INSYN2B: variants seen among roughly 807,000 people sequenced by gnomAD.
INSYN2B encodes the protein inhibitory synaptic factor family member 2B, also known as protein INSYN2B.
Under a neutral mutation model 41.2 loss-of-function variants are expected in INSYN2B, and 16 were observed. The ratio of observed to expected loss-of-function variants is 0.39; its 90% CI spans 0.26 to 0.59. INSYN2B has a LOEUF of 0.59. Among genes scored for constraint, INSYN2B ranks in the 20% least tolerant of loss-of-function variants. INSYN2B has a pLI of 0.57. For synonymous variants in INSYN2B, 245 were observed against 244.4 expected (o/e 1.00, Z -0.02); for missense variants, 608 against 646.4 (o/e 0.94, Z 0.64).
chr5:169,878,822 G>A (rs17646198), intron 3 of INSYN2B, among the ~76,000 whole-genome samples: 9,189 of 152,270 alleles, frequency 0.06, 349 homozygotes, highest in Non-Finnish European at 0.086. Flanking sequence ...AGAGCCAATT[G>A]CCACTCACTT....
At chr5:169,900,482 C>T (rs1773861339) in intron 1 of INSYN2B, among the ~76,000 whole-genome samples, 1 of 152,164 alleles carries the variant, frequency 6.6e-6, no homozygotes, top group Non-Finnish European at 1.5e-5. Flanking sequence ...GGAGGCATGG[C>T]ATGAAGGACC....
intron 1 of INSYN2B, among the ~76,000 whole-genome samples, chr5:169,959,111 G>A (rs963408274): frequency 1.3e-5 from 2 of 152,232 alleles, no homozygotes; most frequent in Middle Eastern, 3.4e-3. Flanking sequence ...AGCACAAACT[G>A]GCTGGGCATG....
chr5:169,880,534 C>T (rs1240993175), intron 3 of INSYN2B, among the ~76,000 whole-genome samples: 1 of 152,214 alleles, frequency 6.6e-6, no homozygotes, highest in Non-Finnish European at 1.5e-5. Context: ...CTGCTTTTGA[C>T]CACTTTTCTA....
At position 169,863,508 on chromosome 5, in the gene INSYN2B, G is replaced by A; in HGVS notation, c.*765C>T. 6.6e-6 allele frequency among the ~76,000 whole-genome samples: 1 copy of A among 152,186 alleles called. No individual in the cohort carries two copies. The highest frequency in any genetic ancestry group is 1.5e-5 in the Non-Finnish European group (1 of 68,036). On this transcript the variant is annotated 3_prime_UTR_variant, in exon 4 of 4. Transcript: ENST00000377365. Reference sequence around the variant, plus strand: ...TTTGCCAGGTGGTCTCAGGCCCTAGGCAGAGAAGAAGCATGATGGTTTAGG... The same window carrying A: ...TTTGCCAGGTGGTCTCAGGCCCTAGACAGAGAAGAAGCATGATGGTTTAGG...
chr5:169,888,826 A>G (rs749069228), intron 1 of INSYN2B, among the ~76,000 whole-genome samples: 9 of 151,590 alleles, frequency 5.9e-5, no homozygotes, highest in Non-Finnish European at 1.0e-4. Flanking sequence ...TAGCCATGAG[A>G]CACTTGTGAA....
Position 169,875,145 on chromosome 5 carries a change from G to A in INSYN2B, c.1421+6223C>T, listed in dbSNP as rs540732888. The A allele has an allele frequency of 6.6e-6, 3 of 451,702 alleles. 1 individual carries two copies. The highest frequency in any genetic ancestry group is 4.7e-5 in the South Asian group (3 of 63,984). The allele number at this position is 451,702 out of a possible 1,614,324, so 28.0% of individuals were successfully genotyped here. A position where few individuals can be genotyped will look rare whatever the true frequency, so the allele number is the denominator to read the frequency against. On this transcript the variant is annotated intron_variant, in intron 3 of 3. Transcript: ENST00000377365. ...GGGCTGGTTGTCACAAAACTTTCTA[G>A]TAAATCAAGTATCTTCTTTCAAGAC...
At chr5:169,866,148 A>G (rs539834771) in intron 3 of INSYN2B, among the ~76,000 whole-genome samples, 1 of 152,096 alleles carries the variant, frequency 6.6e-6, no homozygotes, top group Admixed American at 6.5e-5. Flanking sequence ...CTTAGGGAGC[A>G]CTAGGAAAGG....
intron 3 of INSYN2B, 51 bp from the exon 4 acceptor site, chr5:169,864,510 C>A: frequency 7.3e-7 from 1 of 1,366,534 alleles, no homozygotes; most frequent in South Asian, 1.5e-5. Flanking sequence ...TCAGCACAGA[C>A]TGATTAAGCA....
rs1320210567 is a variant in INSYN2B at position 169,883,069 on chromosome 5, T to C, written c.830A>G (p.Glu277Gly). ...HTPGTEELKP[E>G]LLLPKDNSDD... ...TGAGTTGTCTTTGGGCAAAAGCAAT[T>C]CAGGTTTAAGTTCCTCTGTGCCTGG... The change falls in exon 2 of 4, where the codon GAA becomes GGA. Residue 277 changes from glutamate (E) to glycine (G), a missense_variant. By Grantham distance (98) the Glu-to-Gly change is moderately conservative. Coordinates refer to ENST00000377365, the MANE Select transcript of INSYN2B (RefSeq NM_001129891.3). 5.2e-6 allele frequency: 8 copies of C among 1,551,550 alleles called. No homozygotes were observed. The Admixed American group carries it at 1.4e-4, about 27-fold the overall frequency.
intron 1 of INSYN2B, among the ~76,000 whole-genome samples, chr5:169,920,844 C>T (rs561330409): frequency 2.3e-4 from 32 of 138,144 alleles, no homozygotes; most frequent in Non-Finnish European, 3.7e-4. Flanking sequence ...TCTTTCTGAC[C>T]TCCACCCTAG....
At chr5:169,920,419 A>C (rs956537308) in intron 1 of INSYN2B, among the ~76,000 whole-genome samples, 2 of 152,216 alleles carry the variant, frequency 1.3e-5, no homozygotes, top group African/African-American at 4.8e-5. Flanking sequence ...AGTATTCCAG[A>C]AAGTAGGTGG....
chr5:169,917,200 C>A (rs1774921922), intron 1 of INSYN2B, among the ~76,000 whole-genome samples: 1 of 152,188 alleles, frequency 6.6e-6, no homozygotes, highest in Non-Finnish European at 1.5e-5. Flanking sequence ...GTGATTCTTG[C>A]CACCTCATTC....
chr5:169,955,719 A>C (rs1208945052), intron 1 of INSYN2B, among the ~76,000 whole-genome samples: 1 of 152,070 alleles, frequency 6.6e-6, no homozygotes, highest in African/African-American at 2.4e-5. Flanking sequence ...ACATTCTTTA[A>C]CCTCTCTGAA....
At chr5:169,902,802 T>C (rs535600660) in intron 1 of INSYN2B, among the ~76,000 whole-genome samples, 1 of 151,978 alleles carries the variant, frequency 6.6e-6, no homozygotes, top group East Asian at 1.9e-4. Context: ...GAGGGAGACA[T>C]AAAAGAAAGG....
intron 1 of INSYN2B, among the ~76,000 whole-genome samples, chr5:169,932,929 A>G (rs570533071): frequency 3.3e-5 from 5 of 150,456 alleles, no homozygotes; most frequent in Non-Finnish European, 7.4e-5. Flanking sequence ...TAGCAGTTCT[A>G]TAAAAAAGCC....
intron 1 of INSYN2B, among the ~76,000 whole-genome samples, chr5:169,951,908 T>C (rs1415396602): frequency 1.3e-5 from 2 of 152,206 alleles, no homozygotes; most frequent in Non-Finnish European, 2.9e-5. Context: ...AGCCCCAGGC[T>C]CACAAACTTC....
rs1214725578 is a variant in INSYN2B at position 169,882,547 on chromosome 5, C to T, written c.1346+6G>A. 2 of 1,537,660 alleles carry T rather than the reference C, an allele frequency of 1.3e-6. No homozygotes were observed. The highest frequency in any genetic ancestry group is 2.4e-5 in the South Asian group (2 of 83,368). ...CATTTTTAATATGAAAAAAAAATCT[C>T]CTTACCCTTCAGTGAGAGCTCGAGC... is the stretch of plus-strand genomic sequence containing the variant. On this transcript the variant is annotated splice_donor_region_variant and intron_variant, in intron 2 of 3. Transcript: ENST00000377365.
At chr5:169,866,250 A>C (rs554715846) in intron 3 of INSYN2B, among the ~76,000 whole-genome samples, 1 of 152,224 alleles carries the variant, frequency 6.6e-6, no homozygotes, top group South Asian at 2.1e-4. Flanking sequence ...GGCCCTCTCT[A>C]TGGGGACATA....
chr5:169,886,984 C>T (rs1432365790), intron 1 of INSYN2B, among the ~76,000 whole-genome samples: 2 of 152,118 alleles, frequency 1.3e-5, no homozygotes, highest in African/African-American at 4.8e-5. Context: ...GCGATCAGTT[C>T]CCCACTTTAT....
Sources: allele counts gnomAD v4.1 joint callset (sites outside exome capture counted in the v4.1 genomes callset), GRCh38; gene constraint gnomAD v4.1.1; transcripts MANE v1.5; gene names NCBI Gene and HGNC (gene_info 2026-07-23, HGNC 2026-07-21).